The following CDH13 variants were observed in gnomAD, a reference collection of about 807,000 sequenced individuals.
The protein encoded by CDH13 is cadherin-13.
A neutral mutation model predicts 63.8 loss-of-function variants in CDH13; 24 were observed. The observed-to-expected ratio is 0.38, with a 90% CI of 0.27 to 0.53. CDH13 has a LOEUF of 0.53. Ranked by LOEUF, CDH13 falls within the 20% of genes least tolerant of loss-of-function variation. The pLI is 0.85. For missense variants in CDH13, 1,049 were observed against 903.1 expected, an observed-to-expected ratio of 1.16 and a Z score of -2.07; for synonymous variants, 503 against 355.3, an observed-to-expected ratio of 1.42 and a Z score of -4.67.
chr16:83,046,128 T>A (rs1917762402), intron 3 of CDH13, among the ~76,000 whole-genome samples: 1 of 152,230 alleles, frequency 6.6e-6, no homozygotes, highest in African/African-American at 2.4e-5. Flanking sequence ...ATGTTGTCTT[T>A]TTTTGATGGC....
chr16:82,920,189 G>A lies in CDH13; in HGVS notation c.157+61716G>A, dbSNP rs138972650. Among the ~76,000 whole-genome samples the A allele has an allele frequency of 2.3e-3, 349 of 152,290 alleles. 1 individual carries two copies. The highest frequency in any genetic ancestry group is 8.1e-3 in the African/African-American group (335 of 41,564). ...AGATGGCACCCTCCACCAGGACTTC[G>A]TCTTCATCTCTTTGCTTGGCTTTTG... is the stretch of plus-strand genomic sequence containing the variant. On this transcript the variant is annotated intron_variant, in intron 2 of 13. Coordinates refer to ENST00000567109, the MANE Select transcript of CDH13 (RefSeq NM_001257.5).
chr16:83,071,181 G>A (rs539913324), intron 3 of CDH13, among the ~76,000 whole-genome samples: 2 of 152,220 alleles, frequency 1.3e-5, no homozygotes, highest in African/African-American at 2.4e-5. Context: ...GAAAAGCAGA[G>A]ACCTGATTAT....
intron 10 of CDH13, among the ~76,000 whole-genome samples, chr16:83,724,851 TG>T (rs1234573507): frequency 6.6e-6 from 1 of 152,206 alleles, no homozygotes; most frequent in East Asian, 1.9e-4. Flanking sequence ...TCCCTTGAGA[TG>T]GCCTTTGGGT....
chr16:83,136,832 A>C (rs1015762977), intron 4 of CDH13, among the ~76,000 whole-genome samples: 1 of 152,188 alleles, frequency 6.6e-6, no homozygotes, highest in Non-Finnish European at 1.5e-5. Flanking sequence ...TCCAAAGTTC[A>C]AAGTCAGATG....
In CDH13 at chr16:83,572,228, C is replaced by T. The variant is rs117074641; in HGVS notation, c.961-30226C>T. Among the ~76,000 whole-genome samples the T allele has an allele frequency of 5.1e-4, 76 of 147,832 alleles. No homozygotes were observed. The East Asian group carries it at 0.015, about 29-fold the overall frequency. On this transcript the variant is annotated intron_variant, in intron 7 of 13. Transcript: ENST00000567109. ...TGTGTGTGAGTTTCACTATTGTTGC[C>T]CAGGTTGGAGTGCAATGGCGTGATC...
chr16:82,858,834 C>G (rs2039811875), intron 2 of CDH13: 1 of 325,288 alleles, frequency 3.1e-6, no homozygotes, highest in South Asian at 9.1e-5. Flanking sequence ...GATTGCTGTT[C>G]TACCTGTAGT....
At chr16:82,700,917 A>G (rs2030908515) in intron 1 of CDH13, among the ~76,000 whole-genome samples, 1 of 127,370 alleles carries the variant, frequency 7.9e-6, no homozygotes, top group African/African-American at 3.0e-5. Context: ...GCTTCTCTTT[A>G]CAGTGCATTA....
chr16:82,669,440 C>T (rs1174965632), intron 1 of CDH13, among the ~76,000 whole-genome samples: 2 of 152,318 alleles, frequency 1.3e-5, no homozygotes, highest in South Asian at 2.1e-4. Flanking sequence ...AGGACTTACC[C>T]ATTGAGCCTT....
chr16:83,078,256 G>T (rs145329890), intron 3 of CDH13, among the ~76,000 whole-genome samples: 2 of 152,210 alleles, frequency 1.3e-5, no homozygotes, highest in African/African-American at 4.8e-5. Context: ...CATGAACTCT[G>T]TTCTCTGTTC....
At chr16:83,511,910 C>G (rs901784959) in intron 7 of CDH13, among the ~76,000 whole-genome samples, 2 of 152,128 alleles carry the variant, frequency 1.3e-5, no homozygotes, top group Admixed American at 1.3e-4. Context: ...CTCATACCCT[C>G]GAAAGGGGCT....
At chr16:83,256,082 G>T (rs1906225649) in intron 5 of CDH13, among the ~76,000 whole-genome samples, 1 of 152,206 alleles carries the variant, frequency 6.6e-6, no homozygotes, top group African/African-American at 2.4e-5. Flanking sequence ...CACCCAGGCT[G>T]AAGTACAGTG....
At chr16:82,945,974 C>A (rs957575725) in intron 2 of CDH13, among the ~76,000 whole-genome samples, 6 of 151,990 alleles carry the variant, frequency 3.9e-5, no homozygotes, top group African/African-American at 1.4e-4. Flanking sequence ...AGGATGTGGT[C>A]TTCACCTTTG....
At chr16:83,207,455 C>T (rs1005096406) in intron 4 of CDH13, among the ~76,000 whole-genome samples, 2 of 152,202 alleles carry the variant, frequency 1.3e-5, no homozygotes, top group South Asian at 2.1e-4. Context: ...TATATTTACA[C>T]ACATGTAGAC....
chr16:83,782,520 GA>G (rs770375174), intron 12 of CDH13, among the ~76,000 whole-genome samples: 41 of 152,264 alleles, frequency 2.7e-4, no homozygotes, highest in East Asian at 1.2e-3. Flanking sequence ...CAGATCACCT[GA>G]GGTCAGGAGT....
intron 11 of CDH13, among the ~76,000 whole-genome samples, chr16:83,755,805 A>T (rs1913463661): frequency 6.6e-6 from 1 of 152,178 alleles, no homozygotes; most frequent in Non-Finnish European, 1.5e-5. Flanking sequence ...TTTACTGAAG[A>T]GAATATTTCA....
At chr16:83,054,921 C>G (rs537186429) in intron 3 of CDH13, among the ~76,000 whole-genome samples, 74 of 152,140 alleles carry the variant, frequency 4.9e-4, no homozygotes, top group African/African-American at 1.7e-3. Context: ...GAATACTTAT[C>G]AATATATTGT....
intron 3 of CDH13, among the ~76,000 whole-genome samples, chr16:83,118,358 G>T (rs4238730): frequency 6.6e-6 from 1 of 152,034 alleles, no homozygotes; most frequent in Non-Finnish European, 1.5e-5. Context: ...ACATCTGCTC[G>T]TGAGTGTGTG....
intron 4 of CDH13, among the ~76,000 whole-genome samples, chr16:83,162,117 T>A (rs1464648480): frequency 1.3e-5 from 2 of 152,228 alleles, no homozygotes; most frequent in Non-Finnish European, 2.9e-5. Flanking sequence ...ACGTGGCATT[T>A]ACATGCCTGG....
intron 6 of CDH13, among the ~76,000 whole-genome samples, chr16:83,350,450 C>T (rs1013573351): frequency 5.3e-5 from 8 of 152,250 alleles, no homozygotes; most frequent in Non-Finnish European, 1.2e-4. Context: ...GATCCTTCTT[C>T]TTGAGGCTGT....
Sources: allele counts gnomAD v4.1 joint callset (sites outside exome capture counted in the v4.1 genomes callset), GRCh38; gene constraint gnomAD v4.1.1; transcripts MANE v1.5; gene names NCBI Gene and HGNC (gene_info 2026-07-23, HGNC 2026-07-21).